Variants in ATP6V1C2 observed in about 807,000 individuals in gnomAD.
ATP6V1C2 encodes the protein ATPase H+ transporting V1 subunit C2, also known as V-type proton ATPase subunit C 2.
A neutral mutation model predicts 56.8 loss-of-function variants in ATP6V1C2; 45 were observed. The ratio of observed to expected loss-of-function variants is 0.79; its 90% CI spans 0.62 to 1.02. The LOEUF (loss-of-function observed/expected upper bound fraction) is 1.02, where lower values mean the gene tolerates loss of function less well. Among genes scored for constraint, ATP6V1C2 ranks in the 50% least tolerant of loss-of-function variants. The pLI is 0.00. For synonymous variants in ATP6V1C2, 220 were observed against 201.3 expected (o/e 1.09, Z -0.79); for missense variants, 463 against 519.7 (o/e 0.89, Z 1.06).
chr2:10,775,137 C>A, intron 10 of ATP6V1C2, 66 bp downstream of exon 10: 1 of 1,197,648 alleles, frequency 8.3e-7, no homozygotes, highest in Non-Finnish European at 1.2e-6. Flanking sequence ...AGAGTCCTCC[C>A]AGGTCTCCAG....
chr2:10,758,063 A>G (rs1663659640), intron 4 of ATP6V1C2, among the ~76,000 whole-genome samples: 2 of 152,336 alleles, frequency 1.3e-5, no homozygotes, highest in South Asian at 4.1e-4. Flanking sequence ...TCCCAAATGC[A>G]GTTTGTTTGT....
chr2:10,756,263 G>A (rs1663547352), intron 4 of ATP6V1C2, among the ~76,000 whole-genome samples: 3 of 152,132 alleles, frequency 2.0e-5, no homozygotes, highest in Admixed American at 6.5e-5. Flanking sequence ...GGGAGGCTGG[G>A]GGAGGAGAAT....
chr2:10,757,003 C>CTTTTT (rs57191070), intron 4 of ATP6V1C2, among the ~76,000 whole-genome samples: 1 of 81,594 alleles, frequency 1.2e-5, no homozygotes, highest in Non-Finnish European at 2.2e-5. Flanking sequence ...CATGAGGAGA[C>CTTTTT]TTTTTTTTTT....
In ATP6V1C2 at chr2:10,779,611, C is replaced by G. The variant is rs546262296; in HGVS notation, c.1061+942C>G. On this transcript the variant is annotated intron_variant, in intron 12 of 13. Transcript: ENST00000272238. Reference sequence around the variant, plus strand: ...TGAGGTGGGAGGATCACTTGAGCCTCGGAGCCGGAGGTTGCAGTGAGCCGA... The same window carrying G: ...TGAGGTGGGAGGATCACTTGAGCCTGGGAGCCGGAGGTTGCAGTGAGCCGA... 4.1e-3 allele frequency among the ~76,000 whole-genome samples: 597 copies of G among 143,980 alleles called. 4 individuals carry two copies. The highest frequency in any genetic ancestry group is 0.014 in the African/African-American group (540 of 39,114). The allele number at this position is 143,980 out of a possible 152,430, so 94.5% of individuals were successfully genotyped here.
intron 3 of ATP6V1C2, among the ~76,000 whole-genome samples, chr2:10,732,876 C>A (rs1439962752): frequency 1.3e-5 from 2 of 150,220 alleles, no homozygotes; most frequent in Admixed American, 1.3e-4. Context: ...GAGGCTGAGG[C>A]AGGAGAATTG....
chr2:10,736,801 C>CTTTT (rs35166388), intron 3 of ATP6V1C2, among the ~76,000 whole-genome samples: 1 of 102,654 alleles, frequency 9.7e-6, no homozygotes, highest in Non-Finnish European at 2.1e-5. Flanking sequence ...AGATATTGTG[C>CTTTT]TTTTTTTTTT....
intron 4 of ATP6V1C2, among the ~76,000 whole-genome samples, chr2:10,760,490 G>A (rs531815249): frequency 6.6e-6 from 1 of 152,356 alleles, no homozygotes; most frequent in South Asian, 2.1e-4. Flanking sequence ...AAGGCTCAGT[G>A]TACACAGTTG....
At chr2:10,769,194 G>C (rs1436008884) in intron 6 of ATP6V1C2, among the ~76,000 whole-genome samples, 1 of 152,234 alleles carries the variant, frequency 6.6e-6, no homozygotes, top group African/African-American at 2.4e-5. Context: ...AGCGCAGCAG[G>C]GTGGTGGGCT....
At chr2:10,731,946 C>T (rs1046928932) in intron 3 of ATP6V1C2, among the ~76,000 whole-genome samples, 1 of 151,856 alleles carries the variant, frequency 6.6e-6, no homozygotes, top group African/African-American at 2.4e-5. Context: ...GCACTCCAGC[C>T]TGGGCAACAG....
intron 3 of ATP6V1C2, among the ~76,000 whole-genome samples, chr2:10,731,999 A>T (rs566014446): frequency 6.6e-6 from 1 of 152,056 alleles, no homozygotes; most frequent in East Asian, 1.9e-4. Context: ...AAGAAAAAAA[A>T]AAAGTGTGAA....
intron 10 of ATP6V1C2, among the ~76,000 whole-genome samples, chr2:10,777,177 C>T (rs896474010): frequency 2.0e-5 from 3 of 152,192 alleles, no homozygotes; most frequent in Non-Finnish European, 2.9e-5. Context: ...AGGTGCCCCC[C>T]GAATGCCAGG....
intron 3 of ATP6V1C2, among the ~76,000 whole-genome samples, chr2:10,752,546 G>T (rs1246551881): frequency 6.6e-6 from 1 of 152,204 alleles, no homozygotes; most frequent in Non-Finnish European, 1.5e-5. Flanking sequence ...AGTTTGACTT[G>T]TTTTCCAACT....
At chr2:10,776,842 A>G (rs1280574932) in intron 10 of ATP6V1C2, among the ~76,000 whole-genome samples, 4 of 152,082 alleles carry the variant, frequency 2.6e-5, no homozygotes, top group Non-Finnish European at 5.9e-5. Context: ...CGTATTTTAC[A>G]TGGCGTAGCC....
intron 4 of ATP6V1C2, among the ~76,000 whole-genome samples, chr2:10,755,276 T>C (rs1625382): frequency 0.25 from 38,390 of 151,796 alleles, 5,146 homozygotes; most frequent in Admixed American, 0.32. Context: ...CCTCAGGTGA[T>C]CCGCCCGCCC....
At chr2:10,755,017 T>G (rs151254148) in intron 4 of ATP6V1C2, among the ~76,000 whole-genome samples, 148 of 151,968 alleles carry the variant, frequency 9.7e-4, no homozygotes, top group South Asian at 3.7e-3. Context: ...CTGGCTAATA[T>G]ATATAGATAT....
At chr2:10,774,607 G>GGGGCAGGAGGGAAGGGCAGGC (rs1664838361) in intron 8 of ATP6V1C2, among the ~76,000 whole-genome samples, 181 bp from the exon 9 acceptor site, 1 of 152,228 alleles carries the variant, frequency 6.6e-6, no homozygotes, top group Non-Finnish European at 1.5e-5. Flanking sequence ...GGGTGTGGAA[G>GGGGCAGGAGGGAAGGGCAGGC]GGGCAGGAGG....
At chr2:10,733,654 CT>C (rs1662087004) in intron 3 of ATP6V1C2, among the ~76,000 whole-genome samples, 1 of 151,662 alleles carries the variant, frequency 6.6e-6, no homozygotes, top group African/African-American at 2.4e-5. Flanking sequence ...AAAAACCTCT[CT>C]CCCTGTTTTA....
At chr2:10,742,861 G>C (rs570765244) in intron 3 of ATP6V1C2, among the ~76,000 whole-genome samples, 1 of 152,252 alleles carries the variant, frequency 6.6e-6, no homozygotes, top group African/African-American at 2.4e-5. Context: ...GCTCCTGGGC[G>C]GCCCCTTCTC....
rs1480302919 is a variant in ATP6V1C2 at position 10,754,009 on chromosome 2, G to C, written c.226G>C (p.Val76Leu). 6.2e-7 allele frequency: 1 copy of C among 1,608,196 alleles called. No homozygotes were observed. The highest frequency in any genetic ancestry group is 1.7e-5 in the Admixed American group (1 of 59,560). Reference protein sequence around the residue: ...SLIRRMAQSVVEVMEDSKGKV... With the variant: ...SLIRRMAQSVLEVMEDSKGKV... ...CATAAGGAGAATGGCTCAGAGCGTG[G>C]TGGAAGTCATGGAGGACTCAAAGGG... Residue 76 changes from valine to leucine, a missense_variant, in exon 4 of 14, where the codon GTG (valine) becomes CTG (leucine). Coordinates refer to ENST00000272238, the MANE Select transcript of ATP6V1C2 (RefSeq NM_001039362.2).
Sources: gnomAD v4.1 joint callset for allele counts (sites outside exome capture counted in the v4.1 genomes callset) on GRCh38, gnomAD v4.1.1 for gene constraint, MANE v1.5 for transcripts, NCBI Gene and HGNC (gene_info 2026-07-23, HGNC 2026-07-21) for gene names.